EEF2K: variants seen among roughly 807,000 people sequenced by gnomAD.
EEF2K encodes eukaryotic elongation factor 2 kinase, also known as alternative protein EEF2K.
EEF2K carries 70 observed loss-of-function variants against 93.8 expected under a neutral mutation model. That is an observed-to-expected ratio of 0.75 (90% CI 0.62 to 0.91). The LOEUF (loss-of-function observed/expected upper bound fraction) is 0.91, where lower values mean the gene tolerates loss of function less well. EEF2K is among the 40% of genes least tolerant of loss of function. The pLI is 0.00. For missense variants in EEF2K, 935 were observed against 972.9 expected (o/e 0.96, Z 0.52); for synonymous variants, 376 against 380.8 (o/e 0.99, Z 0.15).
intron 2 of EEF2K, among the ~76,000 whole-genome samples, chr16:22,240,495 A>G (rs2047211232): frequency 6.6e-6 from 1 of 152,194 alleles, no homozygotes; most frequent in African/African-American, 2.4e-5. Context: ...GATCTTGCAC[A>G]AGCGCCCAAG....
intron 2 of EEF2K, among the ~76,000 whole-genome samples, chr16:22,233,916 CTGT>C (rs1431592509): frequency 2.0e-5 from 3 of 152,152 alleles, no homozygotes; most frequent in Non-Finnish European, 4.4e-5. Flanking sequence ...CATGCCCAGC[CTGT>C]TGTTGGTTAT....
intron 2 of EEF2K, among the ~76,000 whole-genome samples, chr16:22,231,810 T>A (rs2047117950): frequency 6.6e-6 from 1 of 151,256 alleles, no homozygotes; most frequent in Non-Finnish European, 1.5e-5. Context: ...ACCTACATGG[T>A]GATACCCTGT....
chr16:22,266,749 G>A lies in EEF2K; in HGVS notation c.1637G>A (p.Trp546Ter), dbSNP rs771496043. 1 of 1,614,196 alleles carries A rather than the reference G, an allele frequency of 6.2e-7. No individual in the cohort carries two copies. Among genetic ancestry groups the A allele is most frequent in the East Asian group, 2.2e-5 (1 of 44,884 alleles). Residue 546 changes from tryptophan (W) to a stop codon, truncating the protein, a stop_gained, in exon 15 of 18, where the codon TGG becomes TAG. Transcript: ENST00000263026. LOFTEE classifies it high-confidence loss of function. ...GGRFCEKGEE[W>*]DQESAVFHLE... ...CGCTTCTGCGAGAAGGGCGAGGAGT[G>A]GGACCAGGAGTCGGCTGTCTTCCAC...
Position 22,258,644 on chromosome 16 carries a change from C to G in EEF2K, c.1180C>G (p.Pro394Ala), listed in dbSNP as rs1440929442. Residue 394 changes from proline to alanine, a missense_variant, in exon 10 of 18, where the codon CCT (proline) becomes GCT (alanine). Transcript: ENST00000263026. Reference protein sequence around the residue: ...NMSDVTFDSLPSSPSSATPHS... With the variant: ...NMSDVTFDSLASSPSSATPHS... ...GAGCGACGTGACCTTCGACTCTCTC[C>G]CTTCTTCCCCATCTTCGGCCACACC... 1.2e-6 allele frequency: 2 copies of G among 1,614,080 alleles called. No homozygotes were observed. The highest frequency in any genetic ancestry group is 2.7e-5 in the African/African-American group (2 of 74,920).
chr16:22,264,784 G>A (rs72768938), intron 12 of EEF2K, 34 bp from the exon 13 acceptor site: 24,597 of 1,611,784 alleles, frequency 0.015, 255 homozygotes, highest in Non-Finnish European at 0.016. Flanking sequence ...GAAGCTTGTC[G>A]CTTTGGATCA....
At chr16:22,275,279 C>CTAT (rs2047623311) in intron 16 of EEF2K, among the ~76,000 whole-genome samples, 1 of 151,480 alleles carries the variant, frequency 6.6e-6, no homozygotes, top group Non-Finnish European at 1.5e-5. Flanking sequence ...TATATTAAAG[C>CTAT]TATTAACCCT....
chr16:22,222,747 A>G (rs1016641992), intron 1 of EEF2K, among the ~76,000 whole-genome samples: 2 of 149,538 alleles, frequency 1.3e-5, no homozygotes, highest in African/African-American at 4.9e-5. Context: ...AGCTGGGCAC[A>G]GTGGTGCGTG....
At chr16:22,250,517 T>C (rs2047339161) in intron 4 of EEF2K, 137 bp from the exon 5 acceptor site, 4 of 1,008,226 alleles carry the variant, frequency 4.0e-6, no homozygotes, top group Non-Finnish European at 6.0e-6. Flanking sequence ...AGAAGGGAGA[T>C]CCCCAGGGAT....
At chr16:22,263,219 C>T in intron 12 of EEF2K, 32 bp downstream of exon 12, 6 of 1,588,482 alleles carry the variant, frequency 3.8e-6, no homozygotes, top group Non-Finnish European at 5.1e-6. Flanking sequence ...AGACCGGTGT[C>T]ACCTGTTGCC....
intron 3 of EEF2K, among the ~76,000 whole-genome samples, chr16:22,245,644 T>C (rs576129024): frequency 6.6e-6 from 1 of 152,156 alleles, no homozygotes; most frequent in Admixed American, 6.5e-5. Flanking sequence ...TCCATTGAGC[T>C]GAGGAGATTT....
At position 22,284,298 on chromosome 16, in the gene EEF2K, T is replaced by A; in HGVS notation, c.*302T>A. 3.0e-6 allele frequency: 1 copy of A among 328,578 alleles called. No individual in the cohort carries two copies. The allele number at this position is 328,578 out of a possible 1,614,324, so 20.4% of individuals were successfully genotyped here. A position where few individuals can be genotyped will look rare whatever the true frequency, so the allele number is the denominator to read the frequency against. The stretch of plus-strand genomic sequence containing the variant: ...TTTTTGTTTGTTTGTTTGTTTGTTT[T>A]GAGACAGAGTCTTGCTCTGTCACCC... On this transcript the variant is annotated 3_prime_UTR_variant, in exon 18 of 18. Coordinates refer to ENST00000263026, the MANE Select transcript of EEF2K (RefSeq NM_013302.5).
Position 22,251,327 on chromosome 16 carries a change from G to A in EEF2K, c.618+5G>A, listed in dbSNP as rs374224871. 2.1e-4 allele frequency: 342 copies of A among 1,613,656 alleles called. 3 individuals carry two copies. In the African/African-American group the frequency reaches 2.9e-3, roughly 14 times the overall value. ...CGGCACAAGCCCCCCAAGCAGGTGCGTGGCCCCACTACCTGCCCCCTTTCC... is the reference window on the plus strand; with the variant it reads ...CGGCACAAGCCCCCCAAGCAGGTGCATGGCCCCACTACCTGCCCCCTTTCC... On this transcript the variant is annotated splice_donor_5th_base_variant and intron_variant, in intron 6 of 17. Coordinates refer to ENST00000263026, the MANE Select transcript of EEF2K (RefSeq NM_013302.5).
In EEF2K at chr16:22,285,598, T is replaced by C. The variant is rs2047746365; in HGVS notation, c.*1602T>C. 1 of 152,282 alleles carries C rather than the reference T, an allele frequency of 6.6e-6. No homozygotes were observed. The allele number at this position is 152,282 out of a possible 1,614,324, so 9.4% of individuals were successfully genotyped here. A position where few individuals can be genotyped will look rare whatever the true frequency, so the allele number is the denominator to read the frequency against. ...TTGAGGAGGGCCAAGGTGGGAGGAT[T>C]GCTTGAGCTCAGGACTTCAAGACCA... On this transcript the variant is annotated 3_prime_UTR_variant, in exon 18 of 18. Transcript: ENST00000263026.
At position 22,280,643 on chromosome 16, in the gene EEF2K, G is replaced by C. The variant is rs377121454; in HGVS notation, c.2068+267G>C. On this transcript the variant is annotated intron_variant, in intron 17 of 17. Transcript: ENST00000263026. ...CTTAAAGTATATAGTTTAGTAGGGG[G>C]GTTTTCCTTTCCTTTCTTTCTTTTT... Among the ~76,000 whole-genome samples the C allele has an allele frequency of 9.2e-5, 14 of 151,558 alleles. No homozygotes were observed. The South Asian group carries it at 1.0e-3, about 11-fold the overall frequency.
At chr16:22,217,228 TAG>T (rs146522060) in intron 1 of EEF2K, among the ~76,000 whole-genome samples, 5,821 of 135,594 alleles carry the variant, frequency 0.043, 159 homozygotes, top group Non-Finnish European at 0.065. Context: ...GATAGATAGA[TAG>T]AGAGAGAGAG....
chr16:22,256,980 G>T, intron 7 of EEF2K, 83 bp downstream of exon 7: 4 of 1,570,720 alleles, frequency 2.5e-6, no homozygotes, highest in Non-Finnish European at 3.4e-6. Context: ...TAAAGAGGAA[G>T]GTCCCTGTGG....
chr16:22,246,287 C>T lies in EEF2K; in HGVS notation c.347+1557C>T, dbSNP rs572298603. On this transcript the variant is annotated intron_variant, in intron 3 of 17. Coordinates refer to ENST00000263026, the MANE Select transcript of EEF2K (RefSeq NM_013302.5). ...CTGTAATCCCAGCACTTTGGGAGGC[C>T]GAGGTGAGTGGATCACTTGAGGTCA... Among the ~76,000 whole-genome samples, 9 of 151,450 alleles carry T rather than the reference C, an allele frequency of 5.9e-5. No homozygotes were observed. The South Asian group carries it at 8.4e-4, about 14-fold the overall frequency.
At chr16:22,250,714 T>C in intron 5 of EEF2K, 23 bp downstream of exon 5, 4 of 1,614,092 alleles carry the variant, frequency 2.5e-6, no homozygotes, top group Non-Finnish European at 3.4e-6. Context: ...GCCTGGCTCT[T>C]GGGGCCCTGC....
In EEF2K at chr16:22,283,966, T is replaced by C. The variant is rs1434644733; in HGVS notation, c.2148T>C (p.Ala716=). The change falls in exon 18 of 18, where the codon GCT becomes GCC. Residue 716 remains alanine (A), a synonymous_variant. Transcript: ENST00000263026. The stretch of plus-strand genomic sequence containing the variant: ...TGGCCAACCAGTACTACCAAAAGGC[T>C]GAAGAGGCCTGGGCCCAGATGGAGG... ...GRLANQYYQK[A]EEAWAQMEE 6.3e-7 allele frequency: 1 copy of C among 1,588,306 alleles called. No individual in the cohort carries two copies. Among genetic ancestry groups the C allele is most frequent in the Admixed American group, 1.8e-5 (1 of 55,918 alleles).
Sources: gnomAD v4.1 joint callset for allele counts (sites outside exome capture counted in the v4.1 genomes callset) on GRCh38, gnomAD v4.1.1 for gene constraint, MANE v1.5 for transcripts, NCBI Gene and HGNC (gene_info 2026-07-23, HGNC 2026-07-21) for gene names.